The following AFDN variants were observed in gnomAD, a reference collection of about 807,000 sequenced individuals.
AFDN encodes the protein afadin.
AFDN carries 68 observed loss-of-function variants against 216.6 expected under a neutral mutation model. The observed-to-expected ratio is 0.31, with a 90% confidence interval of 0.26 to 0.38. The LOEUF is 0.38. Ranked by LOEUF, AFDN falls within the 10% of genes least tolerant of loss-of-function variation. The pLI is 1.00. For synonymous variants in AFDN, 868 were observed against 853.7 expected, an observed-to-expected ratio of 1.02 and a Z score of -0.29; for missense variants, 2,136 against 2,342.0, an observed-to-expected ratio of 0.91 and a Z score of 1.82.
At chr6:167,831,575 A>G (rs969697810) in intron 1 of AFDN, among the ~76,000 whole-genome samples, 1 of 152,208 alleles carries the variant, frequency 6.6e-6, no homozygotes, top group Non-Finnish European at 1.5e-5. Context: ...TTTATTTTAC[A>G]TAATTTGCAG....
At chr6:167,954,983 ATT>A (rs35714897) in intron 30 of AFDN, among the ~76,000 whole-genome samples, 44,119 of 151,882 alleles carry the variant, frequency 0.29, 7,259 homozygotes, top group East Asian at 0.59. Flanking sequence ...TATAACATGG[ATT>A]TTAATTCAGT....
Position 167,947,889 on chromosome 6 carries a change from C to A in AFDN, c.3590C>A (p.Ala1197Asp). 6.2e-7 allele frequency: 1 copy of A among 1,613,904 alleles called. No homozygotes were observed. Among genetic ancestry groups the A allele is most frequent in the Non-Finnish European group, 8.5e-7 (1 of 1,179,882 alleles). Residue 1197 changes from alanine to aspartate, a missense_variant, in exon 28 of 34, where the codon GCC becomes GAC. Physicochemically the swap from Ala to Asp is moderately radical, Grantham distance 126 (BLOSUM62 -2). This residue lies in a region of AFDN where 981 missense variants were observed against 966.0 expected (regional missense o/e 1.02). Transcript: ENST00000683244. Reference sequence around the variant, plus strand: ...AGTCCTGGAGGGAAAAGTGCATATGCCTCTGGAACAACAGCGAAGATAACA... The same window carrying A: ...AGTCCTGGAGGGAAAAGTGCATATGACTCTGGAACAACAGCGAAGATAACA... ...PPSPGGKSAY[A>D]SGTTAKITSV...
At chr6:167,870,056 A>G (rs758635012) in intron 2 of AFDN, among the ~76,000 whole-genome samples, 4 of 152,208 alleles carry the variant, frequency 2.6e-5, no homozygotes, top group Non-Finnish European at 5.9e-5. Context: ...TGCATATGAG[A>G]TAATTTGATT....
intron 11 of AFDN, among the ~76,000 whole-genome samples, chr6:167,899,436 T>C (rs940859751): frequency 6.6e-6 from 1 of 152,140 alleles, no homozygotes; most frequent in Non-Finnish European, 1.5e-5. Context: ...TTTAAACTAG[T>C]GTATTTAAAC....
rs966227208 is a variant in AFDN at position 167,871,780 on chromosome 6, A to G, written c.415-434A>G. 3.9e-5 allele frequency among the ~76,000 whole-genome samples: 6 copies of G among 152,360 alleles called. No individual in the cohort carries two copies. In the South Asian group the frequency reaches 6.2e-4, roughly 16 times the overall value. On this transcript the variant is annotated intron_variant, in intron 3 of 33. Coordinates refer to ENST00000683244, the MANE Select transcript of AFDN (RefSeq NM_001386888.1). ...AATTCCTTTAAAGTTAAAAACTACT[A>G]TAGGCGATTTGTCTATTATTCACTC...
intron 2 of AFDN, among the ~76,000 whole-genome samples, chr6:167,869,666 T>A (rs1438462128): frequency 1.3e-5 from 2 of 152,166 alleles, no homozygotes; most frequent in Admixed American, 6.5e-5. Flanking sequence ...TTCCACAGCT[T>A]CCAGCGACCG....
intron 19 of AFDN, among the ~76,000 whole-genome samples, chr6:167,916,825 TA>T (rs1791134602): frequency 1.3e-5 from 2 of 152,328 alleles, no homozygotes; most frequent in Non-Finnish European, 2.9e-5. Flanking sequence ...AGAGAGTTTT[TA>T]AAATGCTTTA....
chr6:167,956,127 A>AAAAAAAAC, intron 30 of AFDN, among the ~76,000 whole-genome samples: 1 of 150,798 alleles, frequency 6.6e-6, no homozygotes, highest in African/African-American at 2.4e-5. Flanking sequence ...AAAAAAAAAA[A>AAAAAAAAC]AAAAAAAAAA....
intron 9 of AFDN, among the ~76,000 whole-genome samples, chr6:167,894,776 G>A (rs1788027011): frequency 6.6e-6 from 1 of 152,176 alleles, no homozygotes; most frequent in South Asian, 2.1e-4. Context: ...TCTCTGTTTT[G>A]AAATCTGTTG....
chr6:167,928,070 T>C (rs1245227498), intron 23 of AFDN, among the ~76,000 whole-genome samples: 1 of 152,196 alleles, frequency 6.6e-6, no homozygotes, highest in Non-Finnish European at 1.5e-5. Context: ...CCAAGATCAG[T>C]GTCCACCTCT....
At position 167,864,449 on chromosome 6, in the gene AFDN, A is replaced by AT. The variant is rs201453402; in HGVS notation, c.106-96dup. On this transcript the variant is annotated intron_variant, in intron 1 of 33. Transcript: ENST00000683244. Reference sequence around the variant, plus strand: ...TAGTCTCAGATGTTTATGATGAAGCATTTTTTAAAAAAGTGAACAGACTTC... The same window carrying AT: ...TAGTCTCAGATGTTTATGATGAAGCATTTTTTTAAAAAAGTGAACAGACTTC... 9.4e-4 allele frequency: 1,069 copies of AT among 1,132,524 alleles called. 8 individuals are homozygous for AT. In the African/African-American group the frequency reaches 0.015, roughly 16 times the overall value. The allele number at this position is 1,132,524 out of a possible 1,614,324, so 70.2% of individuals were successfully genotyped here. A position where few individuals can be genotyped will look rare whatever the true frequency, so the allele number is the denominator to read the frequency against.
chr6:167,947,228 G>A (rs1459058030), intron 27 of AFDN, among the ~76,000 whole-genome samples: 2 of 151,050 alleles, frequency 1.3e-5, no homozygotes, highest in Non-Finnish European at 2.9e-5. Flanking sequence ...AGGCTGGAGT[G>A]CAGTGCAGTG....
At chr6:167,845,461 G>A (rs765616320) in intron 1 of AFDN, among the ~76,000 whole-genome samples, 5 of 151,918 alleles carry the variant, frequency 3.3e-5, no homozygotes, top group South Asian at 2.1e-4. Context: ...GCAATGGCGC[G>A]ATCTTGGCTC....
chr6:167,958,832 AGAATTG>A (rs1200222359), intron 30 of AFDN, among the ~76,000 whole-genome samples: 1 of 152,240 alleles, frequency 6.6e-6, no homozygotes, highest in African/African-American at 2.4e-5. Context: ...GCCTAATTTC[AGAATTG>A]TTTCTTCAGA....
rs1337020132 is a variant in AFDN at position 167,898,125 on chromosome 6, G to T, written c.1318-80G>T. On this transcript the variant is annotated intron_variant, in intron 10 of 33. Coordinates refer to ENST00000683244, the MANE Select transcript of AFDN (RefSeq NM_001386888.1). ...TTAGGTTATATTTGTCATAAAAGGG[G>T]TACTCACGGTTTTAACATTCTGTGT... 2.1e-6 allele frequency: 3 copies of T among 1,460,520 alleles called. No homozygotes were observed. In the African/African-American group the frequency reaches 4.2e-5, roughly 20 times the overall value. 90.5% of individuals were successfully genotyped at this position (1,460,520 alleles called of 1,614,324 possible).
chr6:167,942,953 A>C (rs949798546), intron 23 of AFDN, among the ~76,000 whole-genome samples, 176 bp from the exon 24 acceptor site: 1 of 152,232 alleles, frequency 6.6e-6, no homozygotes, highest in African/African-American at 2.4e-5. Flanking sequence ...TCATTAACTG[A>C]TGCATGAATA....
At chr6:167,829,595 A>G (rs935978642) in intron 1 of AFDN, among the ~76,000 whole-genome samples, 5 of 152,180 alleles carry the variant, frequency 3.3e-5, no homozygotes, top group Admixed American at 3.3e-4. Flanking sequence ...GTTGATTTGT[A>G]GAAATAAGAT....
chr6:167,897,409 A>G (rs1004045203), intron 10 of AFDN, among the ~76,000 whole-genome samples: 1 of 152,198 alleles, frequency 6.6e-6, no homozygotes, highest in African/African-American at 2.4e-5. Flanking sequence ...TGAATAAATG[A>G]AGTCAGAATT....
intron 13 of AFDN, among the ~76,000 whole-genome samples, chr6:167,907,774 G>A (rs1789886797): frequency 6.6e-6 from 1 of 151,872 alleles, no homozygotes; most frequent in Admixed American, 6.6e-5. Context: ...GATAGATGGA[G>A]GATGAATTTT....
Sources: allele counts gnomAD v4.1 joint callset (sites outside exome capture counted in the v4.1 genomes callset), GRCh38; gene constraint gnomAD v4.1.1; regional missense constraint gnomAD v4.1.1; transcripts MANE v1.5; gene names NCBI Gene and HGNC (gene_info 2026-07-23, HGNC 2026-07-21).